ERCC6L2: variants seen among roughly 807,000 people sequenced by gnomAD.
ERCC6L2 encodes the protein DNA excision repair protein ERCC-6-like 2.
A neutral mutation model predicts 132.0 loss-of-function variants in ERCC6L2; 77 were observed. That is an observed-to-expected ratio of 0.58 (90% CI 0.49 to 0.71). The LOEUF is 0.71. Among genes scored for constraint, ERCC6L2 ranks in the 30% least tolerant of loss-of-function variants. ERCC6L2 has a pLI of 0.00. For missense variants in ERCC6L2, 1,542 were observed against 1,837.6 expected (o/e 0.84, Z 2.94); for synonymous variants, 583 against 632.4 (o/e 0.92, Z 1.17).
chr9:95,993,436 C>A (rs1833368895), intron 17 of ERCC6L2, among the ~76,000 whole-genome samples: 1 of 152,196 alleles, frequency 6.6e-6, no homozygotes, highest in African/African-American at 2.4e-5. Flanking sequence ...TATGGTCTCG[C>A]TTGGCCCTTT....
intron 11 of ERCC6L2, among the ~76,000 whole-genome samples, chr9:95,933,568 G>A (rs564468312): frequency 6.6e-6 from 1 of 152,254 alleles, no homozygotes; most frequent in African/African-American, 2.4e-5. Context: ...GAACAGGCCA[G>A]GTGCAGTGGC....
intron 2 of ERCC6L2, among the ~76,000 whole-genome samples, chr9:95,893,074 G>A (rs966940176): frequency 4.6e-5 from 7 of 151,634 alleles, no homozygotes; most frequent in African/African-American, 1.2e-4. Flanking sequence ...TTTATTTTTA[G>A]TGGTTGCTCT....
intron 17 of ERCC6L2, among the ~76,000 whole-genome samples, chr9:95,986,465 G>A (rs1833097770): frequency 6.6e-6 from 1 of 151,170 alleles, no homozygotes; most frequent in Admixed American, 6.6e-5. Context: ...TCTGAGGACA[G>A]GGATGTATGA....
intron 4 of ERCC6L2, among the ~76,000 whole-genome samples, chr9:95,914,638 C>T (rs1400861301): frequency 6.6e-6 from 1 of 152,196 alleles, no homozygotes; most frequent in Non-Finnish European, 1.5e-5. Context: ...AAGCATGAGC[C>T]ACTGTGCCTG....
Position 95,999,444 on chromosome 9 carries a change from C to T in ERCC6L2, c.3493-5076C>T, listed in dbSNP as rs1207688489. On this transcript the variant is annotated intron_variant, in intron 17 of 18. Transcript: ENST00000653738. Reference sequence around the variant, plus strand: ...ATGTTTGGCAAAAATTAAAGATCCACGTGTCTAATAGCTATGGTTGCAAAA... The same window carrying T: ...ATGTTTGGCAAAAATTAAAGATCCATGTGTCTAATAGCTATGGTTGCAAAA... Among the ~76,000 whole-genome samples, 4 of 151,682 alleles carry T rather than the reference C, an allele frequency of 2.6e-5. 1 individual carries two copies. The highest frequency in any genetic ancestry group is 6.9e-3 in the Middle Eastern group (2 of 288).
At chr9:96,032,574 G>T (rs1834473833) in intron 19 of ERCC6L2, among the ~76,000 whole-genome samples, 1 of 152,152 alleles carries the variant, frequency 6.6e-6, no homozygotes, top group African/African-American at 2.4e-5. Context: ...CGCTTTGGTG[G>T]GTGTCCTCCA....
At chr9:96,021,929 G>C (rs1374545250), downstream of ERCC6L2, among the ~76,000 whole-genome samples, 1 of 152,130 alleles carries the variant, frequency 6.6e-6, no homozygotes, top group Admixed American at 6.5e-5. This position sits in a 1 kb window ranked among gnomAD's most constrained non-coding sequence, Gnocchi z 4.7. Context: ...GATGGAATCA[G>C]GGCCCCGGCG....
At chr9:95,926,991 A>T (rs901243751) in intron 9 of ERCC6L2, among the ~76,000 whole-genome samples, 3 of 152,098 alleles carry the variant, frequency 2.0e-5, no homozygotes, top group African/African-American at 7.2e-5. Flanking sequence ...CTACCAATTT[A>T]AAAAGTCTTA....
At position 95,922,380 on chromosome 9, in the gene ERCC6L2, G is replaced by T. The variant is rs146551545; in HGVS notation, c.1375G>T (p.Val459Phe). 2,398 of 1,613,274 alleles carry T rather than the reference G, an allele frequency of 1.5e-3. 3 individuals carry two copies. Among genetic ancestry groups the T allele is most frequent in the Middle Eastern group, 3.3e-3 (20 of 6,058 alleles). The change falls in exon 8 of 19, where the codon GTC (valine) becomes TTC (phenylalanine). Residue 459 changes from valine (V) to phenylalanine (F), a missense_variant. Transcript: ENST00000653738. ...AGTCCTTCAGAAGGTAGCTAACCATGTCGCGCTACTGCAAGCTGCTAGTAC... is the reference window on the plus strand; with the variant it reads ...AGTCCTTCAGAAGGTAGCTAACCATTTCGCGCTACTGCAAGCTGCTAGTAC... ...LTVLQKVANHVALLQAASTSK... is the reference protein window; with the variant it reads ...LTVLQKVANHFALLQAASTSK...
chr9:95,926,448 A>T (rs1265546994), intron 9 of ERCC6L2, among the ~76,000 whole-genome samples: 1 of 152,174 alleles, frequency 6.6e-6, no homozygotes, highest in Non-Finnish European at 1.5e-5. Context: ...ATTTAGCAAT[A>T]AAAAGAAATG....
chr9:96,007,167 T>C (rs1168452443), intron 18 of ERCC6L2, among the ~76,000 whole-genome samples: 2 of 152,242 alleles, frequency 1.3e-5, no homozygotes. Context: ...GTTACCAGCA[T>C]ATCCCCCAGC....
At chr9:95,935,348 AT>A (rs1830507970) in intron 11 of ERCC6L2, among the ~76,000 whole-genome samples, 3 of 152,166 alleles carry the variant, frequency 2.0e-5, no homozygotes, top group Admixed American at 6.5e-5. Context: ...AGTGCTTAGG[AT>A]ATGTGGAGGC....
chr9:95,923,035 T>C (rs1386627588), intron 8 of ERCC6L2, among the ~76,000 whole-genome samples: 1 of 152,208 alleles, frequency 6.6e-6, no homozygotes, highest in Non-Finnish European at 1.5e-5. Flanking sequence ...CTTAAAAAAT[T>C]GAAAAGTAAT....
At chr9:95,975,561 A>G (rs1374857468) in intron 16 of ERCC6L2, among the ~76,000 whole-genome samples, 2 of 135,632 alleles carry the variant, frequency 1.5e-5, no homozygotes, top group Non-Finnish European at 1.5e-5. Context: ...TTGTGTCTTC[A>G]TGTTGGTTAT....
At chr9:96,027,624 C>T (rs1834397783) in intron 19 of ERCC6L2, 1 of 152,542 alleles carries the variant, frequency 6.6e-6, no homozygotes, top group Non-Finnish European at 1.5e-5. Context: ...GCCGCCGCCG[C>T]CCAGCGCCCA....
chr9:95,915,639 C>T (rs1829545796), intron 4 of ERCC6L2, 29 bp from the exon 5 acceptor site: 5 of 1,582,260 alleles, frequency 3.2e-6, no homozygotes, highest in South Asian at 1.2e-5. Flanking sequence ...GTTTTCTCAA[C>T]CTCACCCTTC....
At chr9:95,876,341 T>A (rs1827268363) in intron 1 of ERCC6L2, 1 of 436,114 alleles carries the variant, frequency 2.3e-6, no homozygotes, top group African/African-American at 2.0e-5. Context: ...GCTCCTCATC[T>A]GTAAAACTGG....
intron 3 of ERCC6L2, among the ~76,000 whole-genome samples, chr9:95,905,823 A>G (rs1829006430): frequency 6.6e-6 from 1 of 152,188 alleles, no homozygotes. Context: ...TTCACAGAAA[A>G]CAGAGCAGAA....
chr9:96,010,888 A>C (rs1440761622), intron 18 of ERCC6L2, among the ~76,000 whole-genome samples: 4 of 152,266 alleles, frequency 2.6e-5, no homozygotes, highest in Non-Finnish European at 5.9e-5. Context: ...AGGCTCTATA[A>C]ATATTTGTTA....
Sources: allele counts gnomAD v4.1 joint callset (sites outside exome capture counted in the v4.1 genomes callset), GRCh38; gene constraint gnomAD v4.1.1; non-coding constraint Gnocchi (gnomAD v3.1); transcripts MANE v1.5; gene names NCBI Gene and HGNC (gene_info 2026-07-23, HGNC 2026-07-21).